NPHP4: variants seen among roughly 807,000 people sequenced by gnomAD.
NPHP4 encodes the protein nephrocystin 4.
In NPHP4, 151 loss-of-function variants were observed where a neutral mutation model predicts 155.8. That is an observed-to-expected ratio of 0.97 (90% CI 0.85 to 1.11). The LOEUF is 1.11. Ranked by LOEUF, NPHP4 falls within the 50% of genes least tolerant of loss-of-function variation. The pLI is 0.00. For synonymous variants in NPHP4, 845 were observed against 816.8 expected (o/e 1.03, Z -0.59); for missense variants, 1,956 against 1,925.7 (o/e 1.02, Z -0.29).
At position 5,888,558 on chromosome 1, in the gene NPHP4, C is replaced by T. The variant is rs113002792; in HGVS notation, c.2305-1092G>A. On this transcript the variant is annotated intron_variant, in intron 17 of 29. Transcript: ENST00000378156. ...CTGCATACGATCACTGCATAGACAT[C>T]GATGATTCCGGAACCTCAGTCACTG... 830 of 1,350,678 alleles carry T rather than the reference C, an allele frequency of 6.1e-4. 5 individuals carry two copies. The African/African-American group carries it at 0.011, about 18-fold the overall frequency. 83.7% of individuals were successfully genotyped at this position (1,350,678 alleles called of 1,614,324 possible).
At chr1:5,952,956 G>A in intron 6 of NPHP4, 120 bp from the exon 7 acceptor site, 1 of 831,600 alleles carries the variant, frequency 1.2e-6, no homozygotes. Context: ...GGGTGCTCGG[G>A]ACTCCCAGAC....
At chr1:5,933,382 G>T in intron 9 of NPHP4, 53 bp from the exon 10 acceptor site, 1 of 1,460,944 alleles carries the variant, frequency 6.8e-7, no homozygotes. Context: ...AAGTCACCTG[G>T]AGAGGGGAAA....
intron 11 of NPHP4, among the ~76,000 whole-genome samples, chr1:5,923,635 T>G (rs1244624668): frequency 6.6e-6 from 1 of 152,216 alleles, no homozygotes; most frequent in Non-Finnish European, 1.5e-5. Context: ...TAATCCTCAT[T>G]CTTCATGGGA....
chr1:5,963,186 G>A (rs1650685196), intron 5 of NPHP4, among the ~76,000 whole-genome samples: 1 of 152,258 alleles, frequency 6.6e-6, no homozygotes, highest in Non-Finnish European at 1.5e-5. Context: ...CCTGAGGCCA[G>A]GAGTTTGAGA....
chr1:5,910,676 A>C lies in NPHP4; in HGVS notation c.1442-1463T>G, dbSNP rs1463689554. On this transcript the variant is annotated intron_variant, in intron 11 of 29. Transcript: ENST00000378156. This position sits in a 1 kb window ranked among gnomAD's most constrained non-coding sequence, Gnocchi z 5.4. ...CGTGTTCCGCTCTGAATCCCAAAAAAACAAAAACAACAAGGAAAATGCTGT... is the reference window on the plus strand; with the variant it reads ...CGTGTTCCGCTCTGAATCCCAAAAACACAAAAACAACAAGGAAAATGCTGT... Among the ~76,000 whole-genome samples the C allele has an allele frequency of 2.6e-5, 4 of 152,226 alleles. No homozygotes were observed. Among genetic ancestry groups the C allele is most frequent in the East Asian group, 3.8e-4 (2 of 5,202 alleles).
chr1:5,979,887 A>C (rs1404344882), intron 2 of NPHP4, among the ~76,000 whole-genome samples: 1 of 152,116 alleles, frequency 6.6e-6, no homozygotes, highest in East Asian at 1.9e-4. Flanking sequence ...ACTGTCCCCC[A>C]GAGCCGGTTA....
At chr1:5,982,102 GTTTTC>G (rs1006643061) in intron 2 of NPHP4, among the ~76,000 whole-genome samples, 1 of 150,396 alleles carries the variant, frequency 6.6e-6, no homozygotes, top group Non-Finnish European at 1.5e-5. Flanking sequence ...GGTAGTCTGT[GTTTTC>G]TTTTTTTTTT....
intron 1 of NPHP4, among the ~76,000 whole-genome samples, chr1:5,990,362 T>C (rs773778835): frequency 8.6e-5 from 13 of 152,020 alleles, no homozygotes; most frequent in South Asian, 2.1e-4. Flanking sequence ...AGAGGGGCCT[T>C]TGGGGCCAAA....
chr1:5,966,530 A>G (rs1311840332), intron 5 of NPHP4, among the ~76,000 whole-genome samples: 4 of 152,304 alleles, frequency 2.6e-5, no homozygotes, highest in East Asian at 1.9e-4. Flanking sequence ...TACAAGCCTG[A>G]GCCACCGTGT....
intron 25 of NPHP4, among the ~76,000 whole-genome samples, chr1:5,866,766 C>A (rs1226095189): frequency 2.0e-5 from 3 of 152,198 alleles, no homozygotes; most frequent in Non-Finnish European, 4.4e-5. Flanking sequence ...GCCTTAATTA[C>A]CATCCACTTT....
At position 5,992,374 on chromosome 1, in the gene NPHP4, T is replaced by C. The variant is rs2102510700; in HGVS notation, c.-169A>G. ...AGCCACAAGCCTGAGGACCGAGGACTGGCCGAGGGGCGCGCCCCGTCCGCT... is the reference window on the plus strand; with the variant it reads ...AGCCACAAGCCTGAGGACCGAGGACCGGCCGAGGGGCGCGCCCCGTCCGCT... On this transcript the variant is annotated 5_prime_UTR_variant, in exon 1 of 30. Transcript: ENST00000378156. 1 of 151,616 alleles carries C rather than the reference T, an allele frequency of 6.6e-6. No individual in the cohort carries two copies. Among genetic ancestry groups the C allele is most frequent in the Non-Finnish European group, 1.5e-5 (1 of 67,870 alleles). 9.4% of individuals were successfully genotyped at this position (151,616 alleles called of 1,614,324 possible). A position where few individuals can be genotyped will look rare whatever the true frequency, so the allele number is the denominator to read the frequency against.
intron 7 of NPHP4, among the ~76,000 whole-genome samples, chr1:5,950,720 G>A (rs1488537030): frequency 6.6e-6 from 1 of 152,116 alleles, no homozygotes; most frequent in East Asian, 1.9e-4. Context: ...AGTCATCCTA[G>A]ACCAGCAGCC....
chr1:5,959,650 T>G lies in NPHP4; in HGVS notation c.673+2144A>C, dbSNP rs184719790. ...AGGTAGTAAGACTGACACAGCTGAC[T>G]TGAAAGCAGCACACAGCTAGTCCCA... On this transcript the variant is annotated intron_variant, in intron 6 of 29. Transcript: ENST00000378156. 3.8e-3 allele frequency among the ~76,000 whole-genome samples: 582 copies of G among 152,188 alleles called. 4 individuals carry two copies. Among genetic ancestry groups the G allele is most frequent in the South Asian group, 7.5e-3 (36 of 4,822 alleles).
chr1:5,988,369 C>T (rs761485595), intron 1 of NPHP4, among the ~76,000 whole-genome samples: 1 of 152,196 alleles, frequency 6.6e-6, no homozygotes, highest in Non-Finnish European at 1.5e-5. Context: ...CAAACAGGAG[C>T]CTTCAGCTGT....
At chr1:5,964,898 AAT>A (rs1356517887) in intron 5 of NPHP4, among the ~76,000 whole-genome samples, 1 of 138,354 alleles carries the variant, frequency 7.2e-6, no homozygotes, top group African/African-American at 2.7e-5. Flanking sequence ...CTATATATAA[AAT>A]ATATAATACA....
chr1:5,865,148 G>A lies in NPHP4; in HGVS notation c.3770C>T (p.Thr1257Ile), dbSNP rs746967083. The A allele has an allele frequency of 1.8e-5, 29 of 1,613,588 alleles. No individual in the cohort carries two copies. In the African/African-American group the frequency reaches 3.9e-4, roughly 22 times the overall value. ...RLSLVLRGTQ[T>I]VRKVRAFTSH... is the part of the protein sequence containing the mutation. ...GGTGAAAGCTCTCACTTTCCTCACT[G>A]TCTGTGTCCCCCGAAGGACAAGGGA... Residue 1257 changes from threonine to isoleucine, a missense_variant, in exon 27 of 30, where the codon ACA (threonine) becomes ATA (isoleucine). Transcript: ENST00000378156.
In NPHP4 at chr1:5,895,801, C is replaced by T. The variant is rs188333030; in HGVS notation, c.2144-4773G>A. Among the ~76,000 whole-genome samples, 62 of 152,282 alleles carry T rather than the reference C, an allele frequency of 4.1e-4. 1 individual carries two copies. The East Asian group carries it at 5.4e-3, about 13-fold the overall frequency. ...ATGACACAAACGTCTATTAGGAGACCGGCTGAATAAAGAGCAGCATAACCA... is the reference window on the plus strand; with the variant it reads ...ATGACACAAACGTCTATTAGGAGACTGGCTGAATAAAGAGCAGCATAACCA... On this transcript the variant is annotated intron_variant, in intron 16 of 29. Coordinates refer to ENST00000378156, the MANE Select transcript of NPHP4 (RefSeq NM_015102.5).
intron 11 of NPHP4, among the ~76,000 whole-genome samples, chr1:5,914,589 T>C (rs888355153): frequency 1.3e-5 from 2 of 152,068 alleles, no homozygotes; most frequent in African/African-American, 4.8e-5. Flanking sequence ...AAAGTGAAAA[T>C]AGAAGCAAGG....
chr1:5,873,330 A>G lies in NPHP4; in HGVS notation c.3237T>C (p.Ser1079=), dbSNP rs941893164. The G allele has an allele frequency of 6.2e-7, 1 of 1,613,828 alleles. No homozygotes were observed. Among genetic ancestry groups the G allele is most frequent in the African/African-American group, 1.3e-5 (1 of 75,048 alleles). The part of the protein sequence containing the change: ...SAGQLAMVQA[S]PGLSNEKGMD... Reference sequence around the variant, plus strand: ...TGCCCTTCTCGTTGCTCAACCCAGGAGAGGCCTGCAGGAACCGAACAGCAC... The same window carrying G: ...TGCCCTTCTCGTTGCTCAACCCAGGGGAGGCCTGCAGGAACCGAACAGCAC... Residue 1079 remains serine (S), a synonymous_variant, in exon 23 of 30, where the codon TCT becomes TCC. Coordinates refer to ENST00000378156, the MANE Select transcript of NPHP4 (RefSeq NM_015102.5).
Sources: allele counts gnomAD v4.1 joint callset (sites outside exome capture counted in the v4.1 genomes callset), GRCh38; gene constraint gnomAD v4.1.1; non-coding constraint Gnocchi (gnomAD v3.1); transcripts MANE v1.5; gene names NCBI Gene and HGNC (gene_info 2026-07-23, HGNC 2026-07-21).